Variants in PLA2G6 observed in about 807,000 individuals in gnomAD.
PLA2G6 encodes phospholipase A2 group VI.
Under a neutral mutation model 83.8 loss-of-function variants are expected in PLA2G6, and 62 were observed. That is an observed-to-expected ratio of 0.74 (90% CI 0.60 to 0.91). The LOEUF is 0.91. Among genes scored for constraint, PLA2G6 ranks in the 40% least tolerant of loss-of-function variants. PLA2G6 has a pLI of 0.00. For missense variants in PLA2G6, 944 were observed against 1,102.0 expected, an observed-to-expected ratio of 0.86 and a Z score of 2.03; for synonymous variants, 417 against 449.8, an observed-to-expected ratio of 0.93 and a Z score of 0.92.
At chr22:38,167,227 CAAAAAAAAAAAA>C (rs132983) in intron 2 of PLA2G6, among the ~76,000 whole-genome samples, 1 of 107,638 alleles carries the variant, frequency 9.3e-6, no homozygotes. Flanking sequence ...GACTCTGTCT[CAAAAAAAAAAAA>C]AAAAGAAAAC....
intron 2 of PLA2G6, 146 bp from the exon 3 acceptor site, chr22:38,145,799 A>G (rs1165923815): frequency 6.2e-6 from 4 of 646,642 alleles, no homozygotes; most frequent in African/African-American, 5.5e-5. Flanking sequence ...ACACACACAC[A>G]CACACACACA....
intron 12 of PLA2G6, among the ~76,000 whole-genome samples, chr22:38,119,242 GAC>G (rs1008602120): frequency 6.6e-6 from 1 of 152,124 alleles, no homozygotes; most frequent in Admixed American, 6.6e-5. Context: ...CGGGCACAGA[GAC>G]AGCTTTCCAA....
In PLA2G6 at chr22:38,128,475, G is replaced by T. The variant is rs1241698766; in HGVS notation, c.1187-45C>A. ...GGGGAGATGGCACAGGATCAGAAAT[G>T]ATGTCAACATGCAAAGGAGAGGCCC... On this transcript the variant is annotated intron_variant, in intron 8 of 16. Coordinates refer to ENST00000332509, the MANE Select transcript of PLA2G6 (RefSeq NM_003560.4). This position sits in a 1 kb window ranked among gnomAD's most constrained non-coding sequence, Gnocchi z 4.4. The T allele has an allele frequency of 1.9e-6, 3 of 1,603,022 alleles. No individual in the cohort carries two copies. In the African/African-American group the frequency reaches 4.0e-5, roughly 21 times the overall value.
chr22:38,135,139 G>T, intron 5 of PLA2G6, 55 bp from the exon 6 acceptor site: 1 of 1,241,280 alleles, frequency 8.1e-7, no homozygotes, highest in South Asian at 1.2e-5. Context: ...GCGTGGCGTG[G>T]GATGAAGCCA....
At chr22:38,153,027 T>C (rs1036695037) in intron 2 of PLA2G6, among the ~76,000 whole-genome samples, 1 of 151,544 alleles carries the variant, frequency 6.6e-6, no homozygotes, top group African/African-American at 2.4e-5. Flanking sequence ...CCATGGACTA[T>C]AAAGGAGGGT....
intron 12 of PLA2G6, among the ~76,000 whole-genome samples, chr22:38,118,547 T>G (rs8142930): frequency 0.093 from 14,194 of 152,250 alleles, 748 homozygotes; most frequent in East Asian, 0.15. Flanking sequence ...ATTTTGAGCA[T>G]TTCTGAATGA....
In PLA2G6 at chr22:38,128,522, C is replaced by T; in HGVS notation, c.1187-92G>A. ...GCCCCTCCTTTCCACACTCCGTCCC[C>T]TGTCCCAGCTCCCAGGCCCTGGGCA... On this transcript the variant is annotated intron_variant, in intron 8 of 16. Coordinates refer to ENST00000332509, the MANE Select transcript of PLA2G6 (RefSeq NM_003560.4). This position sits in a 1 kb window ranked among gnomAD's most constrained non-coding sequence, Gnocchi z 4.4. 2 of 1,389,650 alleles carry T rather than the reference C, an allele frequency of 1.4e-6. No homozygotes were observed. The highest frequency in any genetic ancestry group is 2.5e-5 in the South Asian group (2 of 81,572). 86.1% of individuals were successfully genotyped at this position (1,389,650 alleles called of 1,614,324 possible). A position where few individuals can be genotyped will look rare whatever the true frequency, so the allele number is the denominator to read the frequency against.
At chr22:38,126,334 A>G in intron 10 of PLA2G6, 37 bp downstream of exon 10, 1 of 1,512,090 alleles carries the variant, frequency 6.6e-7, no homozygotes, top group East Asian at 2.3e-5. Flanking sequence ...GAAAGCGCAC[A>G]CGTTCCCCGC....
At chr22:38,147,314 G>A (rs1286088997) in intron 2 of PLA2G6, 1 of 166,538 alleles carries the variant, frequency 6.0e-6, no homozygotes, top group East Asian at 1.9e-4. Flanking sequence ...TTCTGACCAG[G>A]GCTTTTAACA....
At chr22:38,112,884 CCCT>C (rs1348897541) in intron 15 of PLA2G6, 5 of 522,848 alleles carry the variant, frequency 9.6e-6, no homozygotes, top group African/African-American at 2.3e-5. Flanking sequence ...TTCCCTCCCT[CCCT>C]CCTCTCTCTC....
chr22:38,117,418 A>T (rs1188938619), intron 12 of PLA2G6, among the ~76,000 whole-genome samples: 1 of 151,908 alleles, frequency 6.6e-6, no homozygotes, highest in Non-Finnish European at 1.5e-5. Context: ...TGTGGTCTTG[A>T]TCTCCTGACC....
chr22:38,131,826 C>T (rs1292174011), intron 7 of PLA2G6: 14 of 284,236 alleles, frequency 4.9e-5, no homozygotes, highest in Non-Finnish European at 3.5e-5. Context: ...CGGTGGCTCA[C>T]GCCTGTAATC....
At chr22:38,172,948 C>T (rs1438047571) in intron 1 of PLA2G6, among the ~76,000 whole-genome samples, 1 of 152,160 alleles carries the variant, frequency 6.6e-6, no homozygotes, top group Non-Finnish European at 1.5e-5. Flanking sequence ...GGCAGGAGGA[C>T]GAGATGACGC....
At chr22:38,166,537 G>T (rs1009664710) in intron 2 of PLA2G6, among the ~76,000 whole-genome samples, 1 of 152,094 alleles carries the variant, frequency 6.6e-6, no homozygotes, top group Non-Finnish European at 1.5e-5. Flanking sequence ...AGACCATCCT[G>T]GCTAACACAG....
intron 2 of PLA2G6, among the ~76,000 whole-genome samples, chr22:38,153,552 C>T (rs190104720): frequency 5.6e-4 from 85 of 151,656 alleles, no homozygotes; most frequent in Middle Eastern, 3.4e-3. Context: ...TGGAGAATCG[C>T]TTGAACCCAG....
At chr22:38,179,347 G>T (rs766084369) in intron 1 of PLA2G6, among the ~76,000 whole-genome samples, 32 of 152,168 alleles carry the variant, frequency 2.1e-4, no homozygotes, top group Non-Finnish European at 4.1e-4. Flanking sequence ...AGGCATCATA[G>T]ATAATCTCAC....
intron 1 of PLA2G6, among the ~76,000 whole-genome samples, chr22:38,173,164 T>C (rs4379): frequency 0.51 from 77,542 of 151,936 alleles, 20,335 homozygotes; most frequent in South Asian, 0.64. Context: ...CCCTGGAGCC[T>C]AGGCTCTTCC....
chr22:38,129,410 C>T, intron 8 of PLA2G6, 44 bp downstream of exon 8: 1 of 1,379,868 alleles, frequency 7.2e-7, no homozygotes, highest in Non-Finnish European at 1.0e-6. Flanking sequence ...CCTGTATCCA[C>T]CCAACCCTCA....
intron 11 of PLA2G6, among the ~76,000 whole-genome samples, chr22:38,122,892 C>A (rs1318151708): frequency 6.6e-6 from 1 of 152,188 alleles, no homozygotes; most frequent in African/African-American, 2.4e-5. Flanking sequence ...GCGGGGGATC[C>A]CCAAACCCAA....
Sources: allele counts gnomAD v4.1 joint callset (sites outside exome capture counted in the v4.1 genomes callset), GRCh38; gene constraint gnomAD v4.1.1; non-coding constraint Gnocchi (gnomAD v3.1); transcripts MANE v1.5; gene names NCBI Gene and HGNC (gene_info 2026-07-23, HGNC 2026-07-21).